The following PIP5K1A variants were observed in gnomAD, a reference collection of about 807,000 sequenced individuals.
PIP5K1A encodes phosphatidylinositol-4-phosphate 5-kinase type 1 alpha.
PIP5K1A carries 46 observed loss-of-function variants against 72.9 expected under a neutral mutation model. That is an observed-to-expected ratio of 0.63 (90% CI 0.50 to 0.81). The LOEUF (loss-of-function observed/expected upper bound fraction) is 0.81. Among genes scored for constraint, PIP5K1A ranks in the 30% least tolerant of loss-of-function variants. PIP5K1A has a pLI of 0.00. For missense variants in PIP5K1A, 458 were observed against 706.1 expected (o/e 0.65, Z 3.98); for synonymous variants, 228 against 255.1 (o/e 0.89, Z 1.01).
intron 8 of PIP5K1A, 124 bp downstream of exon 8, chr1:151,234,620 A>C (rs587611007): frequency 4.2e-6 from 3 of 709,044 alleles, no homozygotes; most frequent in Admixed American, 5.1e-5. Flanking sequence ...CTGTATTTAA[A>C]ATAAGTCTTA....
At chr1:151,211,467 A>C (rs1686777856) in intron 1 of PIP5K1A, among the ~76,000 whole-genome samples, 1 of 152,178 alleles carries the variant, frequency 6.6e-6, no homozygotes, top group Non-Finnish European at 1.5e-5. Context: ...CCTGGGTGAC[A>C]GAGTGAGACC....
chr1:151,225,301 C>T (rs1688944443), intron 3 of PIP5K1A, among the ~76,000 whole-genome samples: 1 of 151,994 alleles, frequency 6.6e-6, no homozygotes, highest in Non-Finnish European at 1.5e-5. Context: ...CAGAGACACC[C>T]TGTCTCAAAA....
Position 151,224,426 on chromosome 1 carries a change from A to C in PIP5K1A, c.156+20A>C. 6.6e-7 allele frequency: 1 copy of C among 1,521,942 alleles called. No homozygotes were observed. The highest frequency in any genetic ancestry group is 9.1e-7 in the Non-Finnish European group (1 of 1,098,118). The allele number at this position is 1,521,942 out of a possible 1,614,324, so 94.3% of individuals were successfully genotyped here. ...TCATTGGTAGGCTAGAAATTATGCA[A>C]CTCATCTTTTATTGTAGTTTATTTT... On this transcript the variant is annotated intron_variant, in intron 3 of 15. Transcript: ENST00000368888.
chr1:151,246,970 G>T lies in PIP5K1A; in HGVS notation c.1686+5G>T. ...GCAGAGTCAGAGTTCACCCATGTGA[G>T]TATCTGGGATGTGTGGGAGGTGAAC... On this transcript the variant is annotated splice_donor_5th_base_variant and intron_variant, in intron 15 of 15. Coordinates refer to ENST00000368888, the MANE Select transcript of PIP5K1A (RefSeq NM_001135638.2). The T allele has an allele frequency of 6.2e-7, 1 of 1,611,584 alleles. No individual in the cohort carries two copies. Among genetic ancestry groups the T allele is most frequent in the Non-Finnish European group, 8.5e-7 (1 of 1,177,796 alleles).
upstream of PIP5K1A, among the ~76,000 whole-genome samples, chr1:151,195,690 G>T (rs1037490470): frequency 6.6e-6 from 1 of 151,632 alleles, no homozygotes; most frequent in Admixed American, 6.6e-5. Flanking sequence ...GGTGGAGGTT[G>T]CAGTAAGCCA....
intron 11 of PIP5K1A, 36 bp from the exon 12 acceptor site, chr1:151,239,919 G>A: frequency 7.0e-6 from 6 of 855,550 alleles, no homozygotes; most frequent in Non-Finnish European, 1.1e-5. Context: ...CTCTTGCCGG[G>A]CCTCCTAACT....
At chr1:151,239,539 CTGAGT>C (rs1239398835) in intron 11 of PIP5K1A, among the ~76,000 whole-genome samples, 1 of 150,822 alleles carries the variant, frequency 6.6e-6, no homozygotes, top group Non-Finnish European at 1.5e-5. Context: ...TCCCAAAGTG[CTGAGT>C]TGAGATGGAG....
intron 4 of PIP5K1A, among the ~76,000 whole-genome samples, chr1:151,228,450 C>T (rs759840207): frequency 1.2e-4 from 19 of 152,154 alleles, no homozygotes; most frequent in Non-Finnish European, 2.2e-4. Flanking sequence ...GTGTCTCACC[C>T]CCTTTTCCTC....
At chr1:151,221,307 A>T (rs1420817174) in intron 1 of PIP5K1A, among the ~76,000 whole-genome samples, 2 of 152,186 alleles carry the variant, frequency 1.3e-5, no homozygotes, top group South Asian at 2.1e-4. Context: ...TGCCTGAGTG[A>T]TGGAGAAAAA....
chr1:151,212,486 G>C (rs1203667958), intron 1 of PIP5K1A, among the ~76,000 whole-genome samples: 1 of 152,214 alleles, frequency 6.6e-6, no homozygotes, highest in Non-Finnish European at 1.5e-5. Context: ...CACAATTAAA[G>C]GTGGGGCCGA....
At chr1:151,216,770 C>T (rs947262391) in intron 1 of PIP5K1A, among the ~76,000 whole-genome samples, 7 of 152,102 alleles carry the variant, frequency 4.6e-5, no homozygotes, top group African/African-American at 9.7e-5. Flanking sequence ...TAAGCCTATA[C>T]GTAACTTGTT....
chr1:151,223,945 G>A, intron 1 of PIP5K1A: 1 of 404,848 alleles, frequency 2.5e-6, no homozygotes. Flanking sequence ...TCCAGCCTGG[G>A]CGATAGAGTG....
intron 14 of PIP5K1A, 121 bp downstream of exon 14, chr1:151,242,688 A>G (rs1691929119): frequency 1.1e-6 from 1 of 875,952 alleles, no homozygotes; most frequent in Admixed American, 2.3e-5. Flanking sequence ...AAAATAACAA[A>G]CATATATCAT....
intron 1 of PIP5K1A, among the ~76,000 whole-genome samples, chr1:151,222,360 A>G (rs1307976089): frequency 6.6e-6 from 1 of 152,184 alleles, no homozygotes; most frequent in Non-Finnish European, 1.5e-5. Flanking sequence ...TGGCACCAAA[A>G]TTCCATGGAG....
At chr1:151,231,989 C>T (rs1690150296) in intron 5 of PIP5K1A, among the ~76,000 whole-genome samples, 188 bp downstream of exon 5, 1 of 152,156 alleles carries the variant, frequency 6.6e-6, no homozygotes, top group Non-Finnish European at 1.5e-5. Context: ...TTCCATTAGC[C>T]TCTGTCCTAT....
chr1:151,229,360 C>CTT (rs587604327), intron 4 of PIP5K1A, among the ~76,000 whole-genome samples: 3 of 130,760 alleles, frequency 2.3e-5, no homozygotes, highest in East Asian at 2.2e-4. Flanking sequence ...GCTTATTTAG[C>CTT]TTTTTTTTTT....
At chr1:151,224,891 G>A (rs1688883518) in intron 3 of PIP5K1A, among the ~76,000 whole-genome samples, 1 of 152,108 alleles carries the variant, frequency 6.6e-6, no homozygotes, top group African/African-American at 2.4e-5. Flanking sequence ...TGGGTTTTGT[G>A]AAAGGGGCCT....
intron 1 of PIP5K1A, among the ~76,000 whole-genome samples, chr1:151,222,929 G>A (rs961947346): frequency 3.3e-5 from 5 of 152,120 alleles, no homozygotes; most frequent in East Asian, 1.9e-4. Context: ...TGCGTCACAC[G>A]TAATGGCCAG....
intron 10 of PIP5K1A, 185 bp downstream of exon 10, chr1:151,238,450 A>C (rs1691195369): frequency 1.8e-6 from 1 of 569,392 alleles, no homozygotes; most frequent in South Asian, 2.0e-5. Context: ...CCCGGCCTTT[A>C]TAACCCTTCC....
Sources: allele counts gnomAD v4.1 joint callset (sites outside exome capture counted in the v4.1 genomes callset), GRCh38; gene constraint gnomAD v4.1.1; transcripts MANE v1.5; gene names NCBI Gene and HGNC (gene_info 2026-07-23, HGNC 2026-07-21).